The following RNGTT variants were observed in gnomAD, a reference collection of about 807,000 sequenced individuals.
RNGTT encodes RNA guanylyltransferase and 5'-phosphatase, also known as mRNA-capping enzyme.
Under a neutral mutation model 79.3 loss-of-function variants are expected in RNGTT, and 33 were observed. That is an observed-to-expected ratio of 0.42 (90% confidence interval 0.32 to 0.56). The LOEUF (loss-of-function observed/expected upper bound fraction) is 0.56. RNGTT is among the 20% of genes least tolerant of loss of function. The pLI is 0.17. For missense variants in RNGTT, 497 were observed against 739.1 expected, an observed-to-expected ratio of 0.67 and a Z score of 3.80; for synonymous variants, 222 against 235.9, an observed-to-expected ratio of 0.94 and a Z score of 0.54.
At chr6:88,890,730 A>T in intron 7 of RNGTT, 134 bp from the exon 8 acceptor site, 1 of 517,478 alleles carries the variant, frequency 1.9e-6, no homozygotes, top group African/African-American at 2.0e-5. Flanking sequence ...AGCTGGAATA[A>T]CATCCGCTTT....
chr6:88,741,858 G>T (rs1244464830), intron 13 of RNGTT, among the ~76,000 whole-genome samples: 1 of 152,050 alleles, frequency 6.6e-6, no homozygotes, highest in African/African-American at 2.4e-5. Context: ...ATATATACTA[G>T]CTTTATAATT....
intron 2 of RNGTT, among the ~76,000 whole-genome samples, chr6:88,936,904 G>C (rs145457955): frequency 6.0e-4 from 91 of 152,272 alleles, no homozygotes; most frequent in African/African-American, 2.0e-3. Context: ...GTTGGGAAAT[G>C]TTTCATTACT....
intron 6 of RNGTT, among the ~76,000 whole-genome samples, chr6:88,901,462 G>A (rs1448119911): frequency 2.1e-5 from 3 of 140,432 alleles, no homozygotes; most frequent in Non-Finnish European, 4.6e-5. Flanking sequence ...CACTCAAAGT[G>A]CTAGAAAAAA....
At chr6:88,955,799 T>C (rs1278155956) in intron 1 of RNGTT, among the ~76,000 whole-genome samples, 1 of 151,952 alleles carries the variant, frequency 6.6e-6, no homozygotes, top group Non-Finnish European at 1.5e-5. Context: ...TCCCAGCACT[T>C]TGGAAGGCCA....
intron 4 of RNGTT, among the ~76,000 whole-genome samples, chr6:88,914,111 A>C (rs1221552807): frequency 1.3e-5 from 2 of 152,174 alleles, no homozygotes; most frequent in Non-Finnish European, 2.9e-5. Flanking sequence ...GAGAACTACA[A>C]AACACTGATG....
At chr6:88,806,318 CTTT>C (rs896456612) in intron 11 of RNGTT, among the ~76,000 whole-genome samples, 4 of 135,572 alleles carry the variant, frequency 3.0e-5, no homozygotes, top group Admixed American at 7.4e-5. Flanking sequence ...AAGGAACACG[CTTT>C]TTTTTTTTTT....
chr6:88,941,936 T>G (rs72911630), intron 1 of RNGTT, among the ~76,000 whole-genome samples: 1 of 152,172 alleles, frequency 6.6e-6, no homozygotes, highest in Non-Finnish European at 1.5e-5. Context: ...TCTTCCTGCC[T>G]AAGCCTCCCA....
At chr6:88,655,514 G>C (rs1773944797) in intron 14 of RNGTT, among the ~76,000 whole-genome samples, 1 of 152,140 alleles carries the variant, frequency 6.6e-6, no homozygotes, top group Non-Finnish European at 1.5e-5. Flanking sequence ...TAGAGTATCT[G>C]ACTGTGACTA....
intron 13 of RNGTT, among the ~76,000 whole-genome samples, chr6:88,695,375 C>A (rs571307278): frequency 2.6e-5 from 4 of 152,170 alleles, no homozygotes; most frequent in Middle Eastern, 3.4e-3. Context: ...TCTCAAAAGA[C>A]AACATACAAA....
At chr6:88,684,803 G>C (rs967439405) in intron 13 of RNGTT, among the ~76,000 whole-genome samples, 1 of 152,006 alleles carries the variant, frequency 6.6e-6, no homozygotes, top group African/African-American at 2.4e-5. Flanking sequence ...TGTCAACATA[G>C]GTTCATCAAC....
At chr6:88,671,335 G>T (rs1398245071) in intron 14 of RNGTT, among the ~76,000 whole-genome samples, 1 of 152,122 alleles carries the variant, frequency 6.6e-6, no homozygotes, top group Non-Finnish European at 1.5e-5. Flanking sequence ...ATCAAATAAA[G>T]AAGTCAACCC....
At chr6:88,938,051 T>A (rs1784725774) in intron 2 of RNGTT, among the ~76,000 whole-genome samples, 1 of 152,258 alleles carries the variant, frequency 6.6e-6, no homozygotes, top group African/African-American at 2.4e-5. Flanking sequence ...TTAGGTCCAT[T>A]TAGTCTAATG....
chr6:88,887,219 A>G (rs1782893592), intron 8 of RNGTT, among the ~76,000 whole-genome samples: 2 of 152,178 alleles, frequency 1.3e-5, no homozygotes, highest in African/African-American at 4.8e-5. Flanking sequence ...GTTACGAGAT[A>G]TAATAAATTG....
chr6:88,640,705 T>A (rs1014274435), intron 14 of RNGTT, among the ~76,000 whole-genome samples: 5 of 152,070 alleles, frequency 3.3e-5, no homozygotes, highest in Admixed American at 2.6e-4. Context: ...GGTGAAGAAT[T>A]AAGAGTCATC....
At chr6:88,623,792 T>C (rs958272652) in intron 14 of RNGTT, among the ~76,000 whole-genome samples, 1 of 152,070 alleles carries the variant, frequency 6.6e-6, no homozygotes, top group Non-Finnish European at 1.5e-5. Context: ...ACTGTCTTTA[T>C]TCACAGACAA....
At chr6:88,750,373 G>A (rs1418900543) in intron 13 of RNGTT, among the ~76,000 whole-genome samples, 3 of 152,078 alleles carry the variant, frequency 2.0e-5, no homozygotes, top group Admixed American at 6.6e-5. Flanking sequence ...TTTGAATAAC[G>A]ATCATGTCTA....
chr6:88,659,226 A>C (rs922702199), intron 14 of RNGTT, among the ~76,000 whole-genome samples: 4 of 152,198 alleles, frequency 2.6e-5, no homozygotes, highest in Admixed American at 2.0e-4. Flanking sequence ...TTCTGGTATG[A>C]TGAAACAAGG....
chr6:88,645,647 A>G (rs1773519767), intron 14 of RNGTT, among the ~76,000 whole-genome samples: 1 of 152,236 alleles, frequency 6.6e-6, no homozygotes, highest in Non-Finnish European at 1.5e-5. Context: ...TACTGGTACC[A>G]AAACAGAGAT....
At chr6:88,823,276 C>T (rs901710704) in intron 11 of RNGTT, among the ~76,000 whole-genome samples, 2 of 151,700 alleles carry the variant, frequency 1.3e-5, no homozygotes, top group Non-Finnish European at 2.9e-5. Flanking sequence ...ACTAAAAATA[C>T]AAAAAATTAG....
Sources: gnomAD v4.1 joint callset for allele counts (sites outside exome capture counted in the v4.1 genomes callset) on GRCh38, gnomAD v4.1.1 for gene constraint, MANE v1.5 for transcripts, NCBI Gene and HGNC (gene_info 2026-07-23, HGNC 2026-07-21) for gene names.